Variants in SRPK1 observed in about 807,000 individuals in gnomAD.
The protein encoded by SRPK1 is SRSF protein kinase 1.
Under a neutral mutation model 89.5 loss-of-function variants are expected in SRPK1, and 52 were observed. That is an observed-to-expected ratio of 0.58 (90% CI 0.46 to 0.73). The LOEUF is 0.73. Among genes scored for constraint, SRPK1 ranks in the 30% least tolerant of loss-of-function variants. SRPK1 has a pLI of 0.00. For synonymous variants in SRPK1, 255 were observed against 270.2 expected (o/e 0.94, Z 0.55); for missense variants, 603 against 780.6 (o/e 0.77, Z 2.71).
At position 35,835,320 on chromosome 6, in the gene SRPK1, G is replaced by GT; in HGVS notation, c.1951_1952insA (p.Pro651HisfsTer4). ...GGCAGGGGCTTAGGAGTTAAGCCAA[G>GT]GGTGCCGGAGACACTCGGCGGCAGT... On this transcript the variant is annotated frameshift_variant, in exon 16 of 16. Transcript: ENST00000373825. LOFTEE classifies it high-confidence loss of function. 1.2e-6 allele frequency: 2 copies of GT among 1,613,512 alleles called. No individual in the cohort carries two copies. The highest frequency in any genetic ancestry group is 1.7e-6 in the Non-Finnish European group (2 of 1,179,668).
At chr6:35,890,602 T>G (rs929557353) in intron 3 of SRPK1, among the ~76,000 whole-genome samples, 2 of 152,262 alleles carry the variant, frequency 1.3e-5, no homozygotes, top group Non-Finnish European at 2.9e-5. Context: ...TATATGTGGC[T>G]GATAGCATTG....
At position 35,909,327 on chromosome 6, in the gene SRPK1, T is replaced by C. The variant is rs372742324; in HGVS notation, c.74+11141A>G. On this transcript the variant is annotated intron_variant, in intron 2 of 15. Transcript: ENST00000373825. ...AGCCCGGCTGAATTTCAGACTTTAATGGGGTCTGTAGCCCCTTTGTTTTGG... is the reference window on the plus strand; with the variant it reads ...AGCCCGGCTGAATTTCAGACTTTAACGGGGTCTGTAGCCCCTTTGTTTTGG... Among the ~76,000 whole-genome samples, 17 of 152,364 alleles carry C rather than the reference T, an allele frequency of 1.1e-4. No homozygotes were observed. In the South Asian group the frequency reaches 3.5e-3, roughly 32 times the overall value.
At chr6:35,906,563 CAT>C (rs1450109544) in intron 2 of SRPK1, among the ~76,000 whole-genome samples, 1 of 152,096 alleles carries the variant, frequency 6.6e-6, no homozygotes, top group African/African-American at 2.4e-5. Context: ...CTAAAGATAA[CAT>C]ATGTTATGAT....
At chr6:35,904,119 C>T (rs1017782778) in intron 2 of SRPK1, among the ~76,000 whole-genome samples, 2 of 152,028 alleles carry the variant, frequency 1.3e-5, no homozygotes, top group African/African-American at 2.4e-5. Context: ...TTTTATTTAT[C>T]TAGCTCCTGC....
At position 35,874,314 on chromosome 6, in the gene SRPK1, CA is replaced by C; in HGVS notation, c.503del (p.Leu168TrpfsTer56). Reference sequence around the variant, plus strand: ...TGATCCACTTGAGCAGATGATGCCCCAAAACTTCAAATACCATGCAGATATC... The same window carrying C: ...TGATCCACTTGAGCAGATGATGCCCCAAACTTCAAATACCATGCAGATATC... The part of the protein sequence containing the change: ...GTHICMVFEV[L>X]GHHLLKWIIK... On this transcript the variant is annotated frameshift_variant, in exon 7 of 16. Coordinates refer to ENST00000373825, the MANE Select transcript of SRPK1 (RefSeq NM_003137.5). LOFTEE classifies it high-confidence loss of function. 1 of 1,612,806 alleles carries C rather than the reference CA, an allele frequency of 6.2e-7. No individual in the cohort carries two copies. The highest frequency in any genetic ancestry group is 8.5e-7 in the Non-Finnish European group (1 of 1,179,408).
intron 13 of SRPK1, among the ~76,000 whole-genome samples, chr6:35,848,383 C>T (rs1769469030): frequency 6.6e-6 from 1 of 152,102 alleles, no homozygotes; most frequent in Non-Finnish European, 1.5e-5. Flanking sequence ...CACAGGGAGA[C>T]CCCACCTCTA....
intron 15 of SRPK1, among the ~76,000 whole-genome samples, chr6:35,836,289 A>C (rs1474471752): frequency 2.7e-5 from 4 of 150,154 alleles, no homozygotes; most frequent in Non-Finnish European, 4.4e-5. Flanking sequence ...ACCACCCCCC[A>C]ACCCCCCCAT....
intron 2 of SRPK1, among the ~76,000 whole-genome samples, chr6:35,905,363 T>C (rs1232928196): frequency 6.6e-6 from 1 of 152,208 alleles, no homozygotes; most frequent in Non-Finnish European, 1.5e-5. Context: ...CCATTCCCTG[T>C]TGTCTTACTC....
intron 2 of SRPK1, among the ~76,000 whole-genome samples, chr6:35,909,215 A>G (rs948985645): frequency 2.0e-5 from 3 of 152,238 alleles, no homozygotes; most frequent in Non-Finnish European, 4.4e-5. Flanking sequence ...GCCCAAGGCT[A>G]TGGGATCCCA....
In SRPK1 at chr6:35,900,861, A is replaced by C. The variant is rs1028555500; in HGVS notation, c.75-9848T>G. On this transcript the variant is annotated intron_variant, in intron 2 of 15. Coordinates refer to ENST00000373825, the MANE Select transcript of SRPK1 (RefSeq NM_003137.5). Reference sequence around the variant, plus strand: ...AGAAATGATTTAGTTATGGCTCTAAAGGATGGATTAAAGCTGGGCATGGTG... The same window carrying C: ...AGAAATGATTTAGTTATGGCTCTAACGGATGGATTAAAGCTGGGCATGGTG... 5.3e-5 allele frequency among the ~76,000 whole-genome samples: 8 copies of C among 152,184 alleles called. No individual in the cohort carries two copies. The South Asian group carries it at 1.7e-3, about 31-fold the overall frequency.
At position 35,851,059 on chromosome 6, in the gene SRPK1, G is replaced by A. The variant is rs1472307786; in HGVS notation, c.1620+6202C>T. 2.6e-5 allele frequency among the ~76,000 whole-genome samples: 4 copies of A among 152,274 alleles called. No homozygotes were observed. The East Asian group carries it at 7.7e-4, about 29-fold the overall frequency. ...CCACTATGTGATAATGTAACATGAA[G>A]GGAGAAAAACAGAAGCAGAGAAAGG... On this transcript the variant is annotated intron_variant, in intron 13 of 15. Coordinates refer to ENST00000373825, the MANE Select transcript of SRPK1 (RefSeq NM_003137.5).
At chr6:35,893,037 G>A (rs2127259186) in intron 2 of SRPK1, among the ~76,000 whole-genome samples, 1 of 152,230 alleles carries the variant, frequency 6.6e-6, no homozygotes, top group Admixed American at 6.5e-5. Context: ...AATGTTCATT[G>A]TAACTGAAAA....
At chr6:35,867,491 T>C (rs911344792) in intron 12 of SRPK1, among the ~76,000 whole-genome samples, 1 of 152,160 alleles carries the variant, frequency 6.6e-6, no homozygotes, top group Non-Finnish European at 1.5e-5. Context: ...GTGTGAATCA[T>C]TCTATTATAA....
intron 15 of SRPK1, among the ~76,000 whole-genome samples, chr6:35,835,756 C>T (rs1373727315): frequency 6.6e-6 from 1 of 152,002 alleles, no homozygotes; most frequent in Non-Finnish European, 1.5e-5. Flanking sequence ...CTGGGTGTGA[C>T]AATCAAGAAG....
intron 15 of SRPK1, among the ~76,000 whole-genome samples, chr6:35,837,048 G>A (rs375172343): frequency 6.6e-6 from 1 of 152,128 alleles, no homozygotes; most frequent in South Asian, 2.1e-4. Context: ...TGGCACAATG[G>A]GGGTAGAAAA....
At chr6:35,884,656 T>C (rs1044548779) in intron 6 of SRPK1, among the ~76,000 whole-genome samples, 1 of 151,906 alleles carries the variant, frequency 6.6e-6, no homozygotes, top group Non-Finnish European at 1.5e-5. Flanking sequence ...AAGAATAAAA[T>C]AGGGAATCAA....
Position 35,874,228 on chromosome 6 carries a change from C to T in SRPK1, c.585+5G>A, listed in dbSNP as rs759705038. The stretch of plus-strand genomic sequence containing the variant: ...CTAAGATACTTGCTGATTCAAGATA[C>T]ATACTTGCTGAATAATTTTTTTGAC... On this transcript the variant is annotated splice_donor_5th_base_variant and intron_variant, in intron 7 of 15. Coordinates refer to ENST00000373825, the MANE Select transcript of SRPK1 (RefSeq NM_003137.5). 3.8e-6 allele frequency: 6 copies of T among 1,594,546 alleles called. No homozygotes were observed. The East Asian group carries it at 8.9e-5, about 24-fold the overall frequency.
intron 1 of SRPK1, 23 bp downstream of exon 1, chr6:35,921,021 G>A (rs191669964): frequency 1.2e-4 from 189 of 1,542,194 alleles, no homozygotes; most frequent in Non-Finnish European, 1.6e-4. Flanking sequence ...GCCCCTCGTG[G>A]CGGAGGCCGC....
intron 12 of SRPK1, among the ~76,000 whole-genome samples, chr6:35,867,950 G>T (rs765110933): frequency 1.3e-4 from 20 of 152,134 alleles, no homozygotes; most frequent in Non-Finnish European, 2.5e-4. Context: ...AGTTGTTAAA[G>T]GTAGAATAAC....
Sources: allele counts gnomAD v4.1 joint callset (sites outside exome capture counted in the v4.1 genomes callset), GRCh38; gene constraint gnomAD v4.1.1; transcripts MANE v1.5; gene names NCBI Gene and HGNC (gene_info 2026-07-23, HGNC 2026-07-21).